The following CFAP61 variants were observed in gnomAD, a reference collection of about 807,000 sequenced individuals.
CFAP61 encodes the protein cilia- and flagella-associated protein 61.
A neutral mutation model predicts 135.6 loss-of-function variants in CFAP61; 107 were observed. The observed-to-expected ratio is 0.79, with a 90% CI of 0.67 to 0.93. The LOEUF (loss-of-function observed/expected upper bound fraction) is 0.93. CFAP61 is among the 40% of genes least tolerant of loss of function. The pLI is 0.00. For missense variants in CFAP61, 1,507 were observed against 1,556.2 expected (o/e 0.97, Z 0.53); for synonymous variants, 575 against 578.5 (o/e 0.99, Z 0.09).
chr20:20,272,824 A>G (rs569040222), intron 21 of CFAP61, among the ~76,000 whole-genome samples: 1 of 151,850 alleles, frequency 6.6e-6, no homozygotes, highest in East Asian at 1.9e-4. Context: ...TTCCTTCCCC[A>G]TATCTCCTTC....
At chr20:20,296,284 C>CCCTTCCCTCCTTCCCTTCCTTCCTT (rs2055526614) in intron 24 of CFAP61, among the ~76,000 whole-genome samples, 1 of 17,080 alleles carries the variant, frequency 5.9e-5, no homozygotes, top group African/African-American at 2.3e-4. Flanking sequence ...CTTCCCTCAT[C>CCCTTCCCTCCTTCCCTTCCTTCCTT]CCTTCCCTCC....
chr20:20,238,489 GT>G (rs2146963745), intron 18 of CFAP61, among the ~76,000 whole-genome samples: 1 of 152,258 alleles, frequency 6.6e-6, no homozygotes, highest in South Asian at 2.1e-4. Context: ...TTATCTATTT[GT>G]TCAAATAACA....
Position 20,218,570 on chromosome 20 carries a change from G to A in CFAP61, c.1933-9679G>A, listed in dbSNP as rs74847523. On this transcript the variant is annotated intron_variant, in intron 17 of 26. Transcript: ENST00000245957. ...ACAGAACCATGAGCCAAATGAATAC[G>A]TACTCTTTTAACCCACTGTATTTTG... 9.1e-3 allele frequency among the ~76,000 whole-genome samples: 1,390 copies of A among 152,248 alleles called. 22 individuals carry two copies. Among genetic ancestry groups the A allele is most frequent in the African/African-American group, 0.031 (1,304 of 41,550 alleles).
intron 18 of CFAP61, among the ~76,000 whole-genome samples, chr20:20,245,735 A>G (rs1265564725): frequency 1.3e-5 from 2 of 152,204 alleles, no homozygotes; most frequent in Non-Finnish European, 2.9e-5. Flanking sequence ...GCTTGACTGG[A>G]AGCAGTCATC....
chr20:20,055,753 A>G (rs1000188392), intron 1 of CFAP61, among the ~76,000 whole-genome samples: 2 of 152,226 alleles, frequency 1.3e-5, no homozygotes, highest in African/African-American at 4.8e-5. Context: ...AAGGAATGAC[A>G]ATATTTATGG....
At chr20:20,352,647 GA>G (rs763001969) in intron 26 of CFAP61, among the ~76,000 whole-genome samples, 1 of 152,154 alleles carries the variant, frequency 6.6e-6, no homozygotes, top group Admixed American at 6.5e-5. Flanking sequence ...GCAGAAGAAT[GA>G]AATTGGACTC....
chr20:20,332,758 G>A (rs1163762920), intron 25 of CFAP61, among the ~76,000 whole-genome samples: 2 of 152,040 alleles, frequency 1.3e-5, no homozygotes, highest in Non-Finnish European at 2.9e-5. Context: ...AGGACTACAG[G>A]CACGCACCAC....
chr20:20,333,997 A>G (rs973401287), intron 25 of CFAP61, among the ~76,000 whole-genome samples: 1 of 152,156 alleles, frequency 6.6e-6, no homozygotes, highest in East Asian at 1.9e-4. Flanking sequence ...TGCTGGTCCC[A>G]GTGGCCTCCA....
intron 14 of CFAP61, among the ~76,000 whole-genome samples, chr20:20,190,723 A>G (rs114918942): frequency 0.011 from 1,730 of 152,276 alleles, 29 homozygotes; most frequent in African/African-American, 0.039. Context: ...CTTACACTGC[A>G]TGTAAATCTA....
intron 1 of CFAP61, among the ~76,000 whole-genome samples, chr20:20,054,790 G>T (rs1389943486): frequency 2.6e-5 from 4 of 152,064 alleles, no homozygotes; most frequent in Non-Finnish European, 5.9e-5. Flanking sequence ...TCTTTTGTCA[G>T]GTTCCTTTAA....
chr20:20,305,874 G>T (rs2056442156), intron 25 of CFAP61, among the ~76,000 whole-genome samples: 1 of 152,248 alleles, frequency 6.6e-6, no homozygotes, highest in African/African-American at 2.4e-5. Context: ...TACTCCAACA[G>T]GCAGATCCTT....
intron 6 of CFAP61, among the ~76,000 whole-genome samples, chr20:20,088,610 G>T (rs2046968151): frequency 6.6e-6 from 1 of 151,932 alleles, no homozygotes; most frequent in Non-Finnish European, 1.5e-5. Flanking sequence ...GGGATTATGG[G>T]AACTACAATT....
intron 21 of CFAP61, among the ~76,000 whole-genome samples, chr20:20,275,491 C>T (rs1321757468): frequency 1.3e-5 from 2 of 152,118 alleles, no homozygotes; most frequent in African/African-American, 2.4e-5. Context: ...AAGTATCGTC[C>T]TCTCCAGCTG....
At position 20,265,608 on chromosome 20, in the gene CFAP61, T is replaced by C. The variant is rs991841386; in HGVS notation, c.2503+2478T>C. 5.6e-6 allele frequency: 4 copies of C among 714,804 alleles called. No individual in the cohort carries two copies. The African/African-American group carries it at 7.0e-5, about 12-fold the overall frequency. 44.3% of individuals were successfully genotyped at this position (714,804 alleles called of 1,614,324 possible). On this transcript the variant is annotated intron_variant, in intron 21 of 26. Coordinates refer to ENST00000245957, the MANE Select transcript of CFAP61 (RefSeq NM_015585.4). Reference sequence around the variant, plus strand: ...GATAAGAAGTATGTGGAAATTAGTTTCCTGTCTTACATGTAGGTGATTTTC... The same window carrying C: ...GATAAGAAGTATGTGGAAATTAGTTCCCTGTCTTACATGTAGGTGATTTTC...
At chr20:20,339,043 T>A (rs2058340941) in intron 25 of CFAP61, among the ~76,000 whole-genome samples, 1 of 152,182 alleles carries the variant, frequency 6.6e-6, no homozygotes, top group African/African-American at 2.4e-5. Context: ...TGAAGAGGTA[T>A]AACTTTTTTC....
At chr20:20,065,862 A>G (rs184302952) in intron 2 of CFAP61, among the ~76,000 whole-genome samples, 12 of 152,266 alleles carry the variant, frequency 7.9e-5, no homozygotes, top group East Asian at 1.9e-4. Context: ...TTTGTGAGCA[A>G]TGGATGTGAG....
rs2052399165 is a variant in CFAP61 at position 20,263,076 on chromosome 20, G to A, written c.2449G>A (p.Glu817Lys). 1.9e-6 allele frequency: 3 copies of A among 1,614,122 alleles called. No homozygotes were observed. Among genetic ancestry groups the A allele is most frequent in the Non-Finnish European group, 2.5e-6 (3 of 1,179,986 alleles). The change falls in exon 21 of 27, where the codon GAG becomes AAG. Residue 817 changes from glutamate to lysine, a missense_variant. By Grantham distance (56) the Glu-to-Lys change is moderately conservative. Transcript: ENST00000245957. ...PCNHFTLNEE[E>K]DCFKALIWIR... Reference sequence around the variant, plus strand: ...CAACCATTTCACTCTCAACGAGGAAGAGGATTGCTTTAAGGCACTGATTTG... The same window carrying A: ...CAACCATTTCACTCTCAACGAGGAAAAGGATTGCTTTAAGGCACTGATTTG...
At chr20:20,123,465 A>G (rs1251199643) in intron 8 of CFAP61, among the ~76,000 whole-genome samples, 3 of 151,696 alleles carry the variant, frequency 2.0e-5, no homozygotes, top group Admixed American at 2.0e-4. Flanking sequence ...TCATTCTCCT[A>G]CATGTGGCCA....
chr20:20,202,438 T>TAA (rs1338999317), intron 17 of CFAP61, among the ~76,000 whole-genome samples: 1 of 152,218 alleles, frequency 6.6e-6, no homozygotes, highest in Non-Finnish European at 1.5e-5. Flanking sequence ...TTAGACATAT[T>TAA]AAAAGTTTAA....
Sources: allele counts gnomAD v4.1 joint callset (sites outside exome capture counted in the v4.1 genomes callset), GRCh38; gene constraint gnomAD v4.1.1; transcripts MANE v1.5; gene names NCBI Gene and HGNC (gene_info 2026-07-23, HGNC 2026-07-21).